The following PKD1 variants were observed in gnomAD, a reference collection of about 807,000 sequenced individuals.
PKD1 encodes polycystin 1, transient receptor potential channel interacting, also known as polycystin-1.
In PKD1, 81 loss-of-function variants were observed where a neutral mutation model predicts 361.7. The observed-to-expected ratio is 0.22, with a 90% CI of 0.19 to 0.27. PKD1 has a LOEUF of 0.27. Among genes scored for constraint, PKD1 ranks in the 10% least tolerant of loss-of-function variants. The pLI, the probability that PKD1 is intolerant of heterozygous loss-of-function variation, is 1.00. For missense variants in PKD1, 6,399 were observed against 6,118.3 expected (o/e 1.05, Z -1.53); for synonymous variants, 3,615 against 2,818.3 (o/e 1.28, Z -8.95).
intron 1 of PKD1, among the ~76,000 whole-genome samples, chr16:2,125,058 GC>G (rs1224564181): frequency 6.6e-6 from 1 of 152,234 alleles, no homozygotes; most frequent in Non-Finnish European, 1.5e-5. Context: ...CCCCACTGCG[GC>G]CCCTTCCTCG....
Position 2,111,345 on chromosome 16 carries a change from C to T in PKD1, c.3822G>A (p.Val1274=). 1 of 1,609,666 alleles carries T rather than the reference C, an allele frequency of 6.2e-7. No homozygotes were observed. The change falls in exon 15 of 46, where the codon GTG becomes GTA. Residue 1274 remains valine (V), a synonymous_variant. Transcript: ENST00000262304. ...YLRAQNCTVT[V]GAASPAGHLA... ...GGTGGCCGGCGGGGCTGGCCGCACC[C>T]ACGGTCACTGTGCAGTTCTGTGCCC...
chr16:2,125,372 T>C (rs13333747), intron 1 of PKD1, among the ~76,000 whole-genome samples: 33,925 of 152,116 alleles, frequency 0.22, 4,437 homozygotes, highest in African/African-American at 0.36. Context: ...AACAGAGCCC[T>C]GCACGAGGGT....
rs1229760171 is a variant in PKD1, at chr16:2,106,968, A to G, written c.7066-20T>C. 4 of 1,580,678 alleles carry G rather than the reference A, an allele frequency of 2.5e-6. No individual in the cohort carries two copies. The African/African-American group carries it at 5.5e-5, about 22-fold the overall frequency. On this transcript the variant is annotated intron_variant, in intron 16 of 45. Coordinates refer to ENST00000262304, the MANE Select transcript of PKD1 (RefSeq NM_001009944.3). The surrounding 1 kb of genome is among the most constrained non-coding windows in gnomAD (Gnocchi z 6.5). ...CAGCACCTGGCGTGGGAGTGGGGTT[A>G]CCTCCAACACAGGTCTATTTGGCCT...
At chr16:2,104,799 G>A (rs530855125) in intron 21 of PKD1, among the ~76,000 whole-genome samples, 157 bp from the exon 22 acceptor site, 2 of 143,276 alleles carry the variant, frequency 1.4e-5, no homozygotes, top group Admixed American at 7.0e-5. Context: ...AGCATTTTCT[G>A]TGGCTCTGCA....
rs530253910 is a variant in PKD1 at position 2,097,672 on chromosome 16, G to A, written c.10220+56C>T. On this transcript the variant is annotated intron_variant, in intron 32 of 45. Coordinates refer to ENST00000262304, the MANE Select transcript of PKD1 (RefSeq NM_001009944.3). ...AAGGACACGCAGCCCGCACACCCCCGGCACCCCAGACACAGTGACCTGCAC... is the reference window on the plus strand; with the variant it reads ...AAGGACACGCAGCCCGCACACCCCCAGCACCCCAGACACAGTGACCTGCAC... 230 of 1,610,742 alleles carry A rather than the reference G, an allele frequency of 1.4e-4. 3 individuals are homozygous for A. The South Asian group carries it at 2.1e-3, about 15-fold the overall frequency.
chr16:2,091,639 G>T, intron 41 of PKD1, 42 bp from the exon 42 acceptor site: 1 of 1,555,290 alleles, frequency 6.4e-7, no homozygotes, highest in East Asian at 2.3e-5. Context: ...GTGGCAGGGC[G>T]GGAGCTGCGG....
In PKD1 at chr16:2,106,725, G is replaced by A. The variant is rs1011045334; in HGVS notation, c.7210-48C>T. On this transcript the variant is annotated intron_variant, in intron 17 of 45. Transcript: ENST00000262304. The surrounding 1 kb of genome is among the most constrained non-coding windows in gnomAD (Gnocchi z 6.5). ...GGGGGCGCAACCCTCTGCCCTGTCA[G>A]CCCCACTTCTGCCTGCAGGCCCCGT... is the stretch of plus-strand genomic sequence containing the variant. The A allele has an allele frequency of 2.1e-5, 32 of 1,538,134 alleles. No individual in the cohort carries two copies. Among genetic ancestry groups the A allele is most frequent in the Non-Finnish European group, 2.6e-5 (30 of 1,135,272 alleles).
At chr16:2,108,159 G>A (rs1297197229) in intron 15 of PKD1, 93 bp downstream of exon 15, 18 of 1,473,262 alleles carry the variant, frequency 1.2e-5, no homozygotes, top group African/African-American at 4.2e-5. Flanking sequence ...AGGCACTGAG[G>A]ACGGGCCAGC....
chr16:2,096,016 G>A (rs559105839), intron 34 of PKD1, among the ~76,000 whole-genome samples: 1 of 152,224 alleles, frequency 6.6e-6, no homozygotes, highest in African/African-American at 2.4e-5. Flanking sequence ...TTGAGTCCAG[G>A]GGCAGTTCAT....
rs1161012209 is a variant in PKD1, at chr16:2,090,943, G to T, written c.11944C>A (p.Gln3982Lys). The T allele has an allele frequency of 1.3e-6, 2 of 1,568,936 alleles. No individual in the cohort carries two copies. The highest frequency in any genetic ancestry group is 1.8e-5 in the Admixed American group (1 of 55,004). The change falls in exon 43 of 46, where the codon CAG becomes AAG. Residue 3982 changes from glutamine (Q) to lysine (K), a missense_variant. Coordinates refer to ENST00000262304, the MANE Select transcript of PKD1 (RefSeq NM_001009944.3). ...AGGCCACGGGCTGCGGAGCTCAGCT[G>T]CGCCACCTGGTCGAAGCTAGTGAAG... Reference protein sequence around the residue: ...RRFTSFDQVAQLSSAARGLAA... With the variant: ...RRFTSFDQVAKLSSAARGLAA...
At chr16:2,094,445 T>G (rs2091756852) in intron 34 of PKD1, among the ~76,000 whole-genome samples, 1 of 152,172 alleles carries the variant, frequency 6.6e-6, no homozygotes, top group Admixed American at 6.5e-5. Flanking sequence ...TCCCGCCCGC[T>G]TGCTGCTGAT....
chr16:2,104,416 G>A (rs2854577), intron 22 of PKD1, 82 bp downstream of exon 22: 26 of 1,009,622 alleles, frequency 2.6e-5, no homozygotes, highest in African/African-American at 4.2e-5. Flanking sequence ...TGGGGCAAAG[G>A]CGACGCGGTT....
chr16:2,104,378 G>T (rs1416755393), intron 22 of PKD1, 120 bp downstream of exon 22: 5 of 587,066 alleles, frequency 8.5e-6, no homozygotes, highest in South Asian at 1.8e-5. Context: ...ATGGGAATTG[G>T]GGGGAGGGGA....
At chr16:2,124,355 C>G (rs2092766611) in intron 1 of PKD1, among the ~76,000 whole-genome samples, 3 of 152,236 alleles carry the variant, frequency 2.0e-5, no homozygotes, top group Admixed American at 6.5e-5. Flanking sequence ...TGTTCCCAGC[C>G]AGGCGCTGGC....
Position 2,100,845 on chromosome 16 carries a change from C to T in PKD1, c.9398-279G>A, listed in dbSNP as rs2092066715. On this transcript the variant is annotated intron_variant, in intron 26 of 45. Coordinates refer to ENST00000262304, the MANE Select transcript of PKD1 (RefSeq NM_001009944.3). This position sits in a 1 kb window ranked among gnomAD's most constrained non-coding sequence, Gnocchi z 4.4. ...CTCAGTCCACACCACAACCAGTGACCCGCACTGCACACCTGTCCACGCCTC... is the reference window on the plus strand; with the variant it reads ...CTCAGTCCACACCACAACCAGTGACTCGCACTGCACACCTGTCCACGCCTC... 5.8e-6 allele frequency: 3 copies of T among 516,134 alleles called. No individual in the cohort carries two copies. Among genetic ancestry groups the T allele is most frequent in the African/African-American group, 5.8e-5 (3 of 51,858 alleles). 32.0% of individuals were successfully genotyped at this position (516,134 alleles called of 1,614,324 possible).
chr16:2,126,581 A>T (rs1485037356), intron 1 of PKD1, among the ~76,000 whole-genome samples: 2 of 152,266 alleles, frequency 1.3e-5, no homozygotes, highest in African/African-American at 4.8e-5. Context: ...CTCACTCTGC[A>T]GGGAGACTGT....
Position 2,090,038 on chromosome 16 carries a change from G to A in PKD1, c.12601C>T (p.Leu4201=). 1.2e-6 allele frequency: 2 copies of A among 1,611,440 alleles called. No individual in the cohort carries two copies. The highest frequency in any genetic ancestry group is 1.7e-6 in the Non-Finnish European group (2 of 1,179,452). Residue 4201 remains leucine (L), a synonymous_variant, in exon 46 of 46, where the codon CTG becomes TTG. Transcript: ENST00000262304. ...SSQLDGLSVS[L]GRLGTRCEPE... is the part of the protein sequence containing the mutation. Reference sequence around the variant, plus strand: ...TCACACCTTGTCCCCAGCCGGCCCAGGCTCACGCTCAGCCCATCCAGCTGG... The same window carrying A: ...TCACACCTTGTCCCCAGCCGGCCCAAGCTCACGCTCAGCCCATCCAGCTGG...
intron 1 of PKD1, among the ~76,000 whole-genome samples, chr16:2,122,309 G>A (rs2092733894): frequency 6.6e-6 from 1 of 152,192 alleles, no homozygotes; most frequent in African/African-American, 2.4e-5. Flanking sequence ...TCCCCCAGGG[G>A]CTGTGGGACA....
At chr16:2,101,731 G>A (rs1191039741) in intron 26 of PKD1, among the ~76,000 whole-genome samples, 1 of 152,284 alleles carries the variant, frequency 6.6e-6, no homozygotes, top group Non-Finnish European at 1.5e-5. Context: ...CTCCGTCTGA[G>A]AGACGAGCTA....
Sources: allele counts gnomAD v4.1 joint callset (sites outside exome capture counted in the v4.1 genomes callset), GRCh38; gene constraint gnomAD v4.1.1; non-coding constraint Gnocchi (gnomAD v3.1); transcripts MANE v1.5; gene names NCBI Gene and HGNC (gene_info 2026-07-23, HGNC 2026-07-21).